The following AKAP13 variants were observed in gnomAD, a reference collection of about 807,000 sequenced individuals.
The protein encoded by AKAP13 is A-kinase anchor protein 13.
Under a neutral mutation model 264.5 loss-of-function variants are expected in AKAP13, and 80 were observed. That is an observed-to-expected ratio of 0.30 (90% confidence interval 0.25 to 0.36). The LOEUF is 0.36. AKAP13 is among the 10% of genes least tolerant of loss of function. The pLI is 1.00. For missense variants in AKAP13, 3,712 were observed against 3,435.2 expected (o/e 1.08, Z -2.01); for synonymous variants, 1,380 against 1,250.2 (o/e 1.10, Z -2.19).
rs150355801 is a variant in AKAP13 at position 85,601,382 on chromosome 15, C to G, written c.4161+15559C>G. On this transcript the variant is annotated intron_variant, in intron 8 of 36. Coordinates refer to ENST00000394518, the MANE Select transcript of AKAP13 (RefSeq NM_007200.5). Reference sequence around the variant, plus strand: ...TCTTGCTGTAATTACTCTTAATTCACCAGCATCATTCATAATGTTATGAAA... The same window carrying G: ...TCTTGCTGTAATTACTCTTAATTCAGCAGCATCATTCATAATGTTATGAAA... Among the ~76,000 whole-genome samples the G allele has an allele frequency of 6.3e-3, 965 of 152,266 alleles. 11 individuals are homozygous for G. The highest frequency in any genetic ancestry group is 0.022 in the African/African-American group (904 of 41,558).
At chr15:85,524,495 T>TA (rs953260379) in intron 3 of AKAP13, among the ~76,000 whole-genome samples, 12 of 151,798 alleles carry the variant, frequency 7.9e-5, no homozygotes, top group Non-Finnish European at 1.6e-4. Flanking sequence ...TTATTATTAT[T>TA]TTTTTATTTT....
At chr15:85,627,477 CTG>C (rs2081472151) in intron 8 of AKAP13, 1 of 152,268 alleles carries the variant, frequency 6.6e-6, no homozygotes, top group Admixed American at 6.5e-5. Flanking sequence ...GTCTCAGATA[CTG>C]TGTGTTTCCT....
rs1254698438 is a variant in AKAP13, at chr15:85,640,330, A to G, written c.4237+881A>G. Among the ~76,000 whole-genome samples, 5 of 152,028 alleles carry G rather than the reference A, an allele frequency of 3.3e-5. No homozygotes were observed. The Middle Eastern group carries it at 0.017, about 517-fold the overall frequency. ...CAGCAAGCCTCTGTTTGCCTTCCCA[A>G]TTTTTACTGCCCAGCTTTAAAAATT... On this transcript the variant is annotated intron_variant, in intron 9 of 36. Coordinates refer to ENST00000394518, the MANE Select transcript of AKAP13 (RefSeq NM_007200.5).
At chr15:85,556,012 T>C (rs2078130177) in intron 5 of AKAP13, among the ~76,000 whole-genome samples, 1 of 152,234 alleles carries the variant, frequency 6.6e-6, no homozygotes, top group Non-Finnish European at 1.5e-5. Flanking sequence ...AATTTGAATG[T>C]GGTTTGAAAC....
intron 1 of AKAP13, chr15:85,381,738 C>T (rs1280329427): frequency 6.6e-6 from 1 of 152,002 alleles, no homozygotes; most frequent in South Asian, 2.1e-4. Context: ...GGTGTTCATT[C>T]TTTGCTAATG....
chr15:85,493,799 G>A (rs7168860), intron 2 of AKAP13, among the ~76,000 whole-genome samples: 77,186 of 151,952 alleles, frequency 0.51, 20,149 homozygotes, highest in Middle Eastern at 0.61. Flanking sequence ...GACGGGGTAA[G>A]GGACGAGGGA....
At chr15:85,537,129 G>T (rs1338678303) in intron 4 of AKAP13, 5 of 151,412 alleles carry the variant, frequency 3.3e-5, no homozygotes, top group African/African-American at 1.2e-4. Flanking sequence ...AGTTTAAATT[G>T]TTCTATTAAT....
chr15:85,638,303 T>C (rs1442663847), intron 8 of AKAP13, among the ~76,000 whole-genome samples: 2 of 152,226 alleles, frequency 1.3e-5, no homozygotes, highest in African/African-American at 2.4e-5. Context: ...AATTCTCTTA[T>C]ATTTAAGACT....
At chr15:85,611,633 C>A (rs751324926) in intron 8 of AKAP13, among the ~76,000 whole-genome samples, 1 of 152,184 alleles carries the variant, frequency 6.6e-6, no homozygotes, top group Non-Finnish European at 1.5e-5. Context: ...GTCTTTTGAG[C>A]GTATTCCAGA....
In AKAP13 at chr15:85,426,955, G is replaced by GTTTT. The variant is rs71468105; in HGVS notation, c.-12+46171_-12+46174dup. Among the ~76,000 whole-genome samples, 34 of 125,082 alleles carry GTTTT rather than the reference G, an allele frequency of 2.7e-4. 1 individual carries two copies. Among genetic ancestry groups the GTTTT allele is most frequent in the African/African-American group, 5.3e-4 (18 of 33,798 alleles). 82.1% of individuals were successfully genotyped at this position (125,082 alleles called of 152,430 possible). On this transcript the variant is annotated intron_variant, in intron 1 of 36. Transcript: ENST00000394518. ...AACCTCCTTAGTATTGTTTTGTTTT[G>GTTTT]TTTTTTTTTTTTTTTTTGGGGACGG...
intron 1 of AKAP13, among the ~76,000 whole-genome samples, chr15:85,485,395 AC>A (rs1209379065): frequency 6.6e-6 from 1 of 152,222 alleles, no homozygotes; most frequent in African/African-American, 2.4e-5. Flanking sequence ...AAGTGAACAT[AC>A]AATGGTTTTG....
intron 8 of AKAP13, among the ~76,000 whole-genome samples, chr15:85,592,674 A>G (rs944884855): frequency 6.6e-6 from 1 of 152,174 alleles, no homozygotes; most frequent in African/African-American, 2.4e-5. Context: ...ACAAAATTTA[A>G]TTCTCAGTTT....
At chr15:85,480,206 T>C (rs1316447365) in intron 1 of AKAP13, among the ~76,000 whole-genome samples, 1 of 152,248 alleles carries the variant, frequency 6.6e-6, no homozygotes, top group Non-Finnish European at 1.5e-5. Context: ...TATTGTATTA[T>C]ATTTTAGAAT....
At chr15:85,734,555 G>T (rs922556792) in intron 30 of AKAP13, among the ~76,000 whole-genome samples, 4 of 152,028 alleles carry the variant, frequency 2.6e-5, no homozygotes, top group African/African-American at 9.7e-5. Context: ...ACCCTAGTGG[G>T]CCAGAGTTGA....
chr15:85,386,872 C>T (rs2070591793), intron 1 of AKAP13, among the ~76,000 whole-genome samples: 1 of 151,944 alleles, frequency 6.6e-6, no homozygotes, highest in Non-Finnish European at 1.5e-5. Flanking sequence ...CTGTTGATTA[C>T]TGTCACCTTA....
intron 2 of AKAP13, among the ~76,000 whole-genome samples, chr15:85,502,521 A>G (rs1465621405): frequency 1.3e-5 from 2 of 152,192 alleles, no homozygotes; most frequent in Non-Finnish European, 2.9e-5. Flanking sequence ...GAAATGTGTA[A>G]TATCCCTTAG....
chr15:85,682,292 A>G (rs1367203987), intron 15 of AKAP13, 80 bp downstream of exon 15: 1 of 1,403,038 alleles, frequency 7.1e-7, no homozygotes, highest in Non-Finnish European at 9.9e-7. Context: ...AATTACGTAA[A>G]CTAAGTTAAT....
chr15:85,385,110 C>T (rs1406542723), intron 1 of AKAP13, among the ~76,000 whole-genome samples: 5 of 152,188 alleles, frequency 3.3e-5, no homozygotes, highest in Admixed American at 1.3e-4. Flanking sequence ...GTAGTTACAA[C>T]AGAGACCATG....
intron 9 of AKAP13, among the ~76,000 whole-genome samples, chr15:85,644,468 T>A (rs1197283298): frequency 6.6e-6 from 1 of 151,240 alleles, no homozygotes; most frequent in Non-Finnish European, 1.5e-5. Context: ...TCTCGAACTC[T>A]GGCCGCAGGT....
Sources: allele counts gnomAD v4.1 joint callset (sites outside exome capture counted in the v4.1 genomes callset), GRCh38; gene constraint gnomAD v4.1.1; transcripts MANE v1.5; gene names NCBI Gene and HGNC (gene_info 2026-07-23, HGNC 2026-07-21).